The following CADM1 variants were observed in gnomAD, a reference collection of about 807,000 sequenced individuals.
CADM1 encodes the protein TSLC-1.
In CADM1, 15 loss-of-function variants were observed where a neutral mutation model predicts 53.1. That is an observed-to-expected ratio of 0.28 (90% CI 0.19 to 0.44). CADM1 has a LOEUF of 0.44. Among genes scored for constraint, CADM1 ranks in the 20% least tolerant of loss-of-function variants. CADM1 has a pLI of 1.00. For synonymous variants in CADM1, 281 were observed against 243.0 expected (o/e 1.16, Z -1.45); for missense variants, 434 against 611.3 (o/e 0.71, Z 3.06).
chr11:115,364,049 C>CA lies in CADM1; in HGVS notation c.125-123630dup, dbSNP rs534096893. Among the ~76,000 whole-genome samples the CA allele has an allele frequency of 3.6e-3, 515 of 142,658 alleles. 7 individuals are homozygous for CA. The highest frequency in any genetic ancestry group is 0.033 in the South Asian group (150 of 4,520). The allele number at this position is 142,658 out of a possible 152,430, so 93.6% of individuals were successfully genotyped here. ...TTGATTAAATCCACTCTATGATCCACAAAAAAAAAAAATCTACATTTTTGC... is the reference window on the plus strand; with the variant it reads ...TTGATTAAATCCACTCTATGATCCACAAAAAAAAAAAAATCTACATTTTTGC... On this transcript the variant is annotated intron_variant, in intron 1 of 11. Coordinates refer to ENST00000331581, the MANE Select transcript of CADM1 (RefSeq NM_001301043.2).
intron 1 of CADM1, among the ~76,000 whole-genome samples, chr11:115,478,152 T>C (rs1458905281): frequency 6.6e-6 from 1 of 152,194 alleles, no homozygotes; most frequent in East Asian, 1.9e-4. Flanking sequence ...AAATTATACA[T>C]AAAATTCCTA....
At chr11:115,375,043 C>T (rs932156859) in intron 1 of CADM1, among the ~76,000 whole-genome samples, 1 of 151,892 alleles carries the variant, frequency 6.6e-6, no homozygotes, top group African/African-American at 2.4e-5. Context: ...AAAAAAGAAT[C>T]CCTGTCTTTT....
At chr11:115,283,446 G>A (rs1182090080) in intron 1 of CADM1, among the ~76,000 whole-genome samples, 3 of 152,176 alleles carry the variant, frequency 2.0e-5, no homozygotes, top group Non-Finnish European at 4.4e-5. Context: ...GTATTGGAAG[G>A]AACGCAGTGA....
At chr11:115,478,612 A>C (rs1483339641) in intron 1 of CADM1, among the ~76,000 whole-genome samples, 1 of 152,146 alleles carries the variant, frequency 6.6e-6, no homozygotes, top group African/African-American at 2.4e-5. Flanking sequence ...TCACTACAGA[A>C]ATTTTAAACA....
At chr11:115,395,545 G>C (rs564495099) in intron 1 of CADM1, among the ~76,000 whole-genome samples, 35 of 152,158 alleles carry the variant, frequency 2.3e-4, no homozygotes, top group Non-Finnish European at 4.7e-4. Flanking sequence ...AGAAGGATTT[G>C]GGTGAGAGAG....
chr11:115,400,481 A>C (rs11215532), intron 1 of CADM1, among the ~76,000 whole-genome samples: 52,353 of 148,950 alleles, frequency 0.35, 9,918 homozygotes, highest in Non-Finnish European at 0.44. Context: ...CAGCCAATGG[A>C]AAAAAATTAA....
chr11:115,411,639 G>T (rs1293226174), intron 1 of CADM1, among the ~76,000 whole-genome samples: 1 of 152,064 alleles, frequency 6.6e-6, no homozygotes, highest in Non-Finnish European at 1.5e-5. Flanking sequence ...TGTGGCCAAA[G>T]AAAGTGGAAA....
chr11:115,338,881 T>A (rs1170622381), intron 1 of CADM1, among the ~76,000 whole-genome samples: 3 of 136,892 alleles, frequency 2.2e-5, no homozygotes, highest in Non-Finnish European at 4.9e-5. Context: ...TTTTTTATTT[T>A]TTTTTTTTTA....
At chr11:115,209,690 C>T in intron 7 of CADM1, 33 bp from the exon 8 acceptor site, 1 of 1,610,308 alleles carries the variant, frequency 6.2e-7, no homozygotes, top group Non-Finnish European at 8.5e-7. Flanking sequence ...ATCAAACCCA[C>T]AATGCTGAAC....
intron 1 of CADM1, among the ~76,000 whole-genome samples, chr11:115,440,997 C>T (rs887094197): frequency 6.6e-6 from 1 of 151,894 alleles, no homozygotes; most frequent in Non-Finnish European, 1.5e-5. Context: ...CCAGGCTGGT[C>T]TCAAACTCCT....
At chr11:115,357,312 C>T (rs1385679978) in intron 1 of CADM1, among the ~76,000 whole-genome samples, 1 of 152,190 alleles carries the variant, frequency 6.6e-6, no homozygotes, top group Admixed American at 6.5e-5. Flanking sequence ...GGAAAGTAAA[C>T]AGAAGGAAAA....
rs528625206 is a variant in CADM1 at position 115,459,779 on chromosome 11, A to T, written c.124+44492T>A. 2.2e-4 allele frequency among the ~76,000 whole-genome samples: 34 copies of T among 152,326 alleles called. 1 individual carries two copies. Among genetic ancestry groups the T allele is most frequent in the African/African-American group, 7.9e-4 (33 of 41,582 alleles). The stretch of plus-strand genomic sequence containing the variant: ...AATCTGAAGAATTTCATTCTGGACC[A>T]TATGTGCATATGGTTTTCTCTTATC... On this transcript the variant is annotated intron_variant, in intron 1 of 11. Transcript: ENST00000331581.
intron 1 of CADM1, among the ~76,000 whole-genome samples, chr11:115,468,417 GAAGAA>G (rs1437755154): frequency 4.6e-5 from 7 of 152,120 alleles, no homozygotes; most frequent in African/African-American, 1.4e-4. Context: ...GTGAAATCCA[GAAGAA>G]AAGAACAGAC....
chr11:115,484,903 T>C (rs1261277497), intron 1 of CADM1, among the ~76,000 whole-genome samples: 1 of 149,630 alleles, frequency 6.7e-6, no homozygotes, highest in East Asian at 2.0e-4. Context: ...GCCGAGATTA[T>C]GCCACTGCAC....
chr11:115,457,255 T>G (rs903989592), intron 1 of CADM1, among the ~76,000 whole-genome samples: 7 of 152,200 alleles, frequency 4.6e-5, no homozygotes, highest in Non-Finnish European at 7.4e-5. Context: ...AACTGTATTC[T>G]TTCCACTCTG....
intron 1 of CADM1, among the ~76,000 whole-genome samples, chr11:115,424,695 T>C (rs1947843732): frequency 6.6e-6 from 1 of 152,050 alleles, no homozygotes. Flanking sequence ...CCCAGCTAAT[T>C]TTTGCATTTT....
At chr11:115,456,319 A>C (rs889891186) in intron 1 of CADM1, among the ~76,000 whole-genome samples, 2 of 152,178 alleles carry the variant, frequency 1.3e-5, no homozygotes, top group African/African-American at 4.8e-5. Context: ...ACAAAAAAAA[A>C]ACTGCATATA....
chr11:115,284,087 A>T (rs111516153), intron 1 of CADM1, among the ~76,000 whole-genome samples: 979 of 47,724 alleles, frequency 0.021, 77 homozygotes, highest in African/African-American at 0.09. Context: ...AAGCCCAGAC[A>T]CTCTCTCTCT....
intron 1 of CADM1, among the ~76,000 whole-genome samples, chr11:115,325,555 A>G (rs1944938084): frequency 6.6e-6 from 1 of 152,220 alleles, no homozygotes; most frequent in African/African-American, 2.4e-5. Context: ...ATTTTTAAAC[A>G]ACAGCAGCCA....
Sources: allele counts gnomAD v4.1 joint callset (sites outside exome capture counted in the v4.1 genomes callset), GRCh38; gene constraint gnomAD v4.1.1; transcripts MANE v1.5; gene names NCBI Gene and HGNC (gene_info 2026-07-23, HGNC 2026-07-21).